The following ARHGEF28 variants were observed in gnomAD, a reference collection of about 807,000 sequenced individuals.
ARHGEF28 encodes 190 kDa guanine nucleotide exchange factor.
In ARHGEF28, 152 loss-of-function variants were observed where a neutral mutation model predicts 206.6. The ratio of observed to expected loss-of-function variants is 0.74; its 90% CI spans 0.64 to 0.84. The LOEUF (loss-of-function observed/expected upper bound fraction) is 0.84. ARHGEF28 is among the 40% of genes least tolerant of loss of function. The pLI, the probability that ARHGEF28 is intolerant of heterozygous loss-of-function variation, is 0.00. For synonymous variants in ARHGEF28, 763 were observed against 776.4 expected, an observed-to-expected ratio of 0.98 and a Z score of 0.29; for missense variants, 2,028 against 2,073.2, an observed-to-expected ratio of 0.98 and a Z score of 0.42.
chr5:73,881,969 A>G (rs902342539), intron 22 of ARHGEF28, among the ~76,000 whole-genome samples: 1 of 152,164 alleles, frequency 6.6e-6, no homozygotes, highest in African/African-American at 2.4e-5. Flanking sequence ...CAAAAAATCA[A>G]ATTCCCTACT....
At chr5:73,809,390 C>T (rs1443053685) in intron 9 of ARHGEF28, among the ~76,000 whole-genome samples, 1 of 152,132 alleles carries the variant, frequency 6.6e-6, no homozygotes, top group African/African-American at 2.4e-5. Flanking sequence ...TGATTCCATT[C>T]GCTATGAGAC....
intron 1 of ARHGEF28, among the ~76,000 whole-genome samples, chr5:73,672,174 T>C (rs1292792307): frequency 6.6e-6 from 1 of 152,160 alleles, no homozygotes; most frequent in Non-Finnish European, 1.5e-5. Context: ...CTGGCCCCTA[T>C]AAGTCTATTC....
intron 10 of ARHGEF28, among the ~76,000 whole-genome samples, chr5:73,837,730 T>C (rs574328907): frequency 2.7e-5 from 4 of 150,842 alleles, no homozygotes; most frequent in Middle Eastern, 3.5e-3. Context: ...TTCCTTCCTT[T>C]CTTTCTTTCG....
intron 2 of ARHGEF28, among the ~76,000 whole-genome samples, chr5:73,731,170 T>G (rs1480317822): frequency 3.3e-5 from 5 of 152,214 alleles, no homozygotes; most frequent in Non-Finnish European, 4.4e-5. Flanking sequence ...TGGGAAGATG[T>G]TTTTATTGAC....
intron 10 of ARHGEF28, among the ~76,000 whole-genome samples, chr5:73,840,239 G>A (rs1376057625): frequency 6.6e-6 from 1 of 152,060 alleles, no homozygotes; most frequent in Non-Finnish European, 1.5e-5. Context: ...TTCAGTCTCT[G>A]AGTAGCTGGG....
chr5:73,795,075 T>C (rs934408865), intron 8 of ARHGEF28, among the ~76,000 whole-genome samples: 1 of 152,222 alleles, frequency 6.6e-6, no homozygotes, highest in Admixed American at 6.5e-5. Context: ...CAAGAGTAAA[T>C]GTGGGAGATG....
intron 9 of ARHGEF28, among the ~76,000 whole-genome samples, chr5:73,813,285 C>T (rs1312588859): frequency 6.6e-6 from 1 of 152,130 alleles, no homozygotes; most frequent in Non-Finnish European, 1.5e-5. Flanking sequence ...TTCATTTGCT[C>T]CCAATGACCT....
Position 73,923,240 on chromosome 5 carries a change from A to C in ARHGEF28, c.4948+11665A>C, listed in dbSNP as rs1243917108. On this transcript the variant is annotated intron_variant, in intron 35 of 35. Transcript: ENST00000513042. ...CTACCTACATAATTTGGTTTTTAAA[A>C]TGTTTTGGTTTATGCTAAACAAGCA... The C allele has an allele frequency of 4.4e-6, 6 of 1,357,448 alleles. No homozygotes were observed. The Admixed American group carries it at 1.4e-4, about 33-fold the overall frequency. The allele number at this position is 1,357,448 out of a possible 1,614,324, so 84.1% of individuals were successfully genotyped here.
intron 1 of ARHGEF28, among the ~76,000 whole-genome samples, chr5:73,666,186 A>G (rs1745943114): frequency 6.6e-6 from 1 of 152,240 alleles, no homozygotes; most frequent in Non-Finnish European, 1.5e-5. Flanking sequence ...ACCCAACAGG[A>G]AAAATAACAT....
chr5:73,695,447 C>T (rs1369653505), intron 2 of ARHGEF28, among the ~76,000 whole-genome samples: 1 of 152,142 alleles, frequency 6.6e-6, no homozygotes, highest in African/African-American at 2.4e-5. Flanking sequence ...TCGTCTTGAC[C>T]TCTGCCCAGG....
chr5:73,826,210 T>G (rs564644190), intron 9 of ARHGEF28, among the ~76,000 whole-genome samples: 1 of 152,312 alleles, frequency 6.6e-6, no homozygotes, highest in East Asian at 1.9e-4. Context: ...GAGCTGACTA[T>G]AGGTTCTGTC....
chr5:73,909,304 A>C (rs1344608364), intron 33 of ARHGEF28, 108 bp from the exon 34 acceptor site: 2 of 1,447,358 alleles, frequency 1.4e-6, no homozygotes, highest in African/African-American at 1.4e-5. Flanking sequence ...TATTAAGAGA[A>C]GTGAATTCGG....
intron 1 of ARHGEF28, among the ~76,000 whole-genome samples, chr5:73,670,637 T>C (rs1160144593): frequency 6.6e-6 from 1 of 152,230 alleles, no homozygotes; most frequent in East Asian, 1.9e-4. Context: ...AGTTTTTCCA[T>C]ATCTGCTATA....
intron 10 of ARHGEF28, among the ~76,000 whole-genome samples, chr5:73,834,542 CTGTGTGTGTGTGTG>C (rs34258155): frequency 5.1e-4 from 74 of 146,324 alleles, no homozygotes; most frequent in African/African-American, 1.8e-3. Context: ...AATAATATTC[CTGTGTGTGTGTGTG>C]TGTGTGTGTG....
At chr5:73,699,428 T>C (rs1459425434) in intron 2 of ARHGEF28, among the ~76,000 whole-genome samples, 1 of 148,652 alleles carries the variant, frequency 6.7e-6, no homozygotes, top group Admixed American at 6.7e-5. Context: ...GAGAGAGAGA[T>C]TGATTTAGGG....
chr5:73,923,254 G>A, intron 35 of ARHGEF28: 1 of 1,157,822 alleles, frequency 8.6e-7, no homozygotes, highest in Non-Finnish European at 1.2e-6. Flanking sequence ...TTTGGTTTAT[G>A]CTAAACAAGC....
intron 35 of ARHGEF28, among the ~76,000 whole-genome samples, chr5:73,938,669 G>C (rs1281646833): frequency 6.6e-6 from 1 of 152,166 alleles, no homozygotes; most frequent in Non-Finnish European, 1.5e-5. Flanking sequence ...CAATTTAGCT[G>C]TGCATATTTG....
chr5:73,730,147 A>G (rs1387675276), intron 2 of ARHGEF28, among the ~76,000 whole-genome samples: 1 of 152,246 alleles, frequency 6.6e-6, no homozygotes, highest in East Asian at 1.9e-4. Context: ...GGTTAAGTTT[A>G]TAGCTTATAG....
intron 26 of ARHGEF28, among the ~76,000 whole-genome samples, chr5:73,889,982 CTTTG>C (rs984127618): frequency 6.6e-6 from 1 of 152,202 alleles, no homozygotes; most frequent in African/African-American, 2.4e-5. Flanking sequence ...GATTTTTAAA[CTTTG>C]TTTGTTAAAT....
Sources: gnomAD v4.1 joint callset for allele counts (sites outside exome capture counted in the v4.1 genomes callset) on GRCh38, gnomAD v4.1.1 for gene constraint, MANE v1.5 for transcripts, NCBI Gene and HGNC (gene_info 2026-07-23, HGNC 2026-07-21) for gene names.